The following FRMPD4 variants were observed in gnomAD, a reference collection of about 807,000 sequenced individuals.
The protein encoded by FRMPD4 is FERM and PDZ domain containing 4.
Under a neutral mutation model 94.1 loss-of-function variants are expected in FRMPD4, and 22 were observed. The observed-to-expected ratio is 0.23, with a 90% CI of 0.17 to 0.33. The LOEUF is 0.33. Ranked by LOEUF, FRMPD4 falls within the 10% of genes least tolerant of loss-of-function variation. The pLI, the probability that FRMPD4 is intolerant of heterozygous loss-of-function variation, is 1.00. For synonymous variants in FRMPD4, 631 were observed against 548.6 expected (o/e 1.15, Z -2.10); for missense variants, 1,111 against 1,339.9 (o/e 0.83, Z 2.67).
chrX:12,457,540 C>T (rs1005693704), intron 1 of FRMPD4, among the ~76,000 whole-genome samples: 1 of 111,498 alleles, frequency 9.0e-6, no homozygotes, highest in African/African-American at 3.3e-5. Flanking sequence ...TATCTCCATA[C>T]TAGAGGTGAG....
At chrX:12,368,878 C>T (rs917405866) in intron 1 of FRMPD4, among the ~76,000 whole-genome samples, 3 of 111,414 alleles carry the variant, frequency 2.7e-5, no homozygotes, top group African/African-American at 9.8e-5. Flanking sequence ...GACTCTGTCT[C>T]AACAAAAACA....
intron 1 of FRMPD4, among the ~76,000 whole-genome samples, chrX:12,478,904 C>G (rs1397600053): frequency 9.0e-6 from 1 of 111,485 alleles, no homozygotes; most frequent in African/African-American, 3.3e-5. Flanking sequence ...GCTTATAAGG[C>G]TAATTTGGAC....
At chrX:11,898,707 A>T (rs1372386023) in intron 3 of FRMPD4, among the ~76,000 whole-genome samples, 1 of 112,470 alleles carries the variant, frequency 8.9e-6, no homozygotes, top group Non-Finnish European at 1.9e-5. Context: ...AGATAATAGT[A>T]ATTATCCAGA....
intron 3 of FRMPD4, among the ~76,000 whole-genome samples, chrX:11,958,154 C>T (rs1189144794): frequency 1.1e-4 from 12 of 111,483 alleles, no homozygotes; most frequent in Admixed American, 1.9e-4. Flanking sequence ...ATTTTCTGAT[C>T]CAGACTCTCA....
At chrX:12,040,881 T>C (rs1008278542) in intron 3 of FRMPD4, among the ~76,000 whole-genome samples, 1 of 111,026 alleles carries the variant, frequency 9.0e-6, no homozygotes, top group African/African-American at 3.3e-5. Flanking sequence ...TTGTTGTTGT[T>C]CCTCTATTGC....
chrX:12,260,156 C>T (rs1234922628), intron 1 of FRMPD4, among the ~76,000 whole-genome samples: 1 of 111,102 alleles, frequency 9.0e-6, no homozygotes, highest in East Asian at 2.8e-4. Context: ...AACATGCATT[C>T]CCTTAGTGAC....
intron 4 of FRMPD4, among the ~76,000 whole-genome samples, chrX:12,620,545 T>A (rs1296005621): frequency 1.8e-5 from 2 of 112,138 alleles, no homozygotes; most frequent in African/African-American, 3.2e-5. Flanking sequence ...TGTGGAACCT[T>A]GTCCCAGCAT....
rs1227356042 is a variant in FRMPD4 at position 12,532,436 on chromosome X, T to G, written c.158+33640T>G. 3.6e-5 allele frequency among the ~76,000 whole-genome samples: 4 copies of G among 111,902 alleles called. No homozygotes were observed. The East Asian group carries it at 1.1e-3, about 31-fold the overall frequency. ...GGATGGGAGGTGAATTTCATGTTAC[T>G]TTCACTGACCTCTGACTGTAAGTGA... On this transcript the variant is annotated intron_variant, in intron 2 of 16. Coordinates refer to ENST00000675598, the MANE Select transcript of FRMPD4 (RefSeq NM_001368397.1).
rs200621176 is a variant in FRMPD4, at chrX:11,951,957, G to A, written c.95+73939G>A. ...AGGCTGAGGTGGGAGGATCACTTAA[G>A]CCTGGGAGGTCAAGGCTGCAGTGAG... On this transcript the variant is annotated intron_variant, in intron 3 of 18. Coordinates refer to the FRMPD4 transcript ENST00000640291. 2.7e-5 allele frequency among the ~76,000 whole-genome samples: 3 copies of A among 112,260 alleles called. No individual in the cohort carries two copies. The East Asian group carries it at 8.4e-4, about 31-fold the overall frequency.
chrX:11,885,690 T>C (rs2053841618), intron 3 of FRMPD4, among the ~76,000 whole-genome samples: 2 of 111,355 alleles, frequency 1.8e-5, no homozygotes, highest in African/African-American at 6.5e-5. Flanking sequence ...TTACACTTTT[T>C]GTCTTCCATT....
chrX:12,145,641 C>T (rs1274253781), intron 1 of FRMPD4, among the ~76,000 whole-genome samples: 1 of 112,986 alleles, frequency 8.9e-6, no homozygotes, highest in Non-Finnish European at 1.9e-5. Flanking sequence ...CAGCCATGCC[C>T]TTTTGTTTGT....
chrX:12,485,547 T>C (rs1025420479), intron 1 of FRMPD4, among the ~76,000 whole-genome samples: 2 of 111,780 alleles, frequency 1.8e-5, no homozygotes, highest in Admixed American at 1.9e-4. Flanking sequence ...CTGATAGACC[T>C]TCTTAAATAA....
chrX:11,950,662 G>A (rs2054217168), intron 3 of FRMPD4, among the ~76,000 whole-genome samples: 2 of 111,493 alleles, frequency 1.8e-5, no homozygotes, highest in Admixed American at 1.9e-4. Context: ...CATACATGCA[G>A]CCAACAAGCA....
chrX:12,156,254 A>C (rs779911651), intron 1 of FRMPD4, among the ~76,000 whole-genome samples: 19 of 111,534 alleles, frequency 1.7e-4, no homozygotes, highest in Non-Finnish European at 3.2e-4. Context: ...GATGCTATCA[A>C]TTAGGGTCTA....
chrX:12,221,007 G>A (rs1000417709), intron 1 of FRMPD4, among the ~76,000 whole-genome samples: 1 of 111,754 alleles, frequency 8.9e-6, no homozygotes, highest in African/African-American at 3.3e-5. Context: ...ATTAATTCCC[G>A]TAGGTTCTGG....
At chrX:12,453,634 C>T (rs941098647) in intron 1 of FRMPD4, among the ~76,000 whole-genome samples, 17 of 111,119 alleles carry the variant, frequency 1.5e-4, no homozygotes, top group Admixed American at 9.6e-4. Context: ...TTTGGGTTTC[C>T]CAGTAGGCAA....
chrX:12,047,823 T>G (rs2054794179), intron 3 of FRMPD4, among the ~76,000 whole-genome samples: 1 of 112,207 alleles, frequency 8.9e-6, no homozygotes, highest in Non-Finnish European at 1.9e-5. Flanking sequence ...AAAGGACATG[T>G]TTTTATTCTT....
Position 12,398,646 on chromosome X carries a change from G to T in FRMPD4, c.42-100034G>T, listed in dbSNP as rs573401448. Among the ~76,000 whole-genome samples, 96 of 111,464 alleles carry T rather than the reference G, an allele frequency of 8.6e-4. 1 individual carries two copies. Among genetic ancestry groups the T allele is most frequent in the African/African-American group, 3.0e-3 (93 of 30,682 alleles). ...CATGTCAGATGGTCCTAAAACGCCA[G>T]TTTCTCCTTTTTTGTTACTGTCAGA... On this transcript the variant is annotated intron_variant, in intron 1 of 16. Transcript: ENST00000675598.
intron 1 of FRMPD4, among the ~76,000 whole-genome samples, chrX:12,283,702 T>G (rs755956908): frequency 5.4e-5 from 6 of 110,647 alleles, no homozygotes; most frequent in Non-Finnish European, 9.5e-5. Context: ...AAAGAAATGA[T>G]GAATAGCACC....
Sources: allele counts gnomAD v4.1 joint callset (sites outside exome capture counted in the v4.1 genomes callset), GRCh38; gene constraint gnomAD v4.1.1; transcripts MANE v1.5; gene names NCBI Gene and HGNC (gene_info 2026-07-23, HGNC 2026-07-21).